Variants in MAST3 observed in about 807,000 individuals in gnomAD.
MAST3 encodes the protein microtubule-associated serine/threonine-protein kinase 3.
MAST3 carries 43 observed loss-of-function variants against 127.0 expected under a neutral mutation model. The ratio of observed to expected loss-of-function variants is 0.34; its 90% confidence interval spans 0.27 to 0.44. The LOEUF (loss-of-function observed/expected upper bound fraction) is 0.44, where lower values mean the gene tolerates loss of function less well. Ranked by LOEUF, MAST3 falls within the 20% of genes least tolerant of loss-of-function variation. The pLI, the probability that MAST3 is intolerant of heterozygous loss-of-function variation, is 1.00. For synonymous variants in MAST3, 785 were observed against 809.2 expected (o/e 0.97, Z 0.51); for missense variants, 1,390 against 1,919.1 (o/e 0.72, Z 5.15).
At chr19:18,108,236 A>T (rs2038216283) in intron 2 of MAST3, among the ~76,000 whole-genome samples, 1 of 152,002 alleles carries the variant, frequency 6.6e-6, no homozygotes, top group Admixed American at 6.6e-5. Context: ...ATTGCAGTGA[A>T]CCAGGCTCCC....
intron 3 of MAST3, among the ~76,000 whole-genome samples, chr19:18,116,456 C>CT (rs1318858883): frequency 6.6e-6 from 1 of 151,014 alleles, no homozygotes; most frequent in African/African-American, 2.4e-5. Flanking sequence ...CCACGCCCAG[C>CT]TAATTTTGTA....
In MAST3 at chr19:18,119,694, G is replaced by A. The variant is rs185059124; in HGVS notation, c.162-1991G>A. Among the ~76,000 whole-genome samples, 97 of 152,346 alleles carry A rather than the reference G, an allele frequency of 6.4e-4. No homozygotes were observed. The Middle Eastern group carries it at 0.02, about 32-fold the overall frequency. On this transcript the variant is annotated intron_variant, in intron 3 of 27. Transcript: ENST00000687212. ...GACCCAAAGCTGAGCACTGGATGTG[G>A]TAGGTTTCATCCTTCAAGGTAGAGA...
chr19:18,145,740 C>G lies in MAST3; in HGVS notation c.3040-3C>G. The G allele has an allele frequency of 6.3e-7, 1 of 1,583,418 alleles. No homozygotes were observed. Among genetic ancestry groups the G allele is most frequent in the Non-Finnish European group, 8.6e-7 (1 of 1,168,804 alleles). ...TGACCCCACCGTTCTCGTCTGCCCC[C>G]AGAGTGTGGAGGACGGAAGCCCCGC... is the stretch of plus-strand genomic sequence containing the variant. On this transcript the variant is annotated splice_polypyrimidine_tract_variant and splice_region_variant and intron_variant, in intron 24 of 27. Transcript: ENST00000687212. The surrounding 1 kb of genome is among the most constrained non-coding windows in gnomAD (Gnocchi z 5.9).
chr19:18,135,664 A>C (rs2041821187), intron 17 of MAST3, 76 bp from the exon 18 acceptor site: 1 of 1,098,226 alleles, frequency 9.1e-7, no homozygotes. Flanking sequence ...AGTGAGGGGA[A>C]ATGGTGGATG....
Position 18,135,756 on chromosome 19 carries a change from A to T in MAST3, c.1887A>T (p.Pro629=), listed in dbSNP as rs1255835016. The T allele has an allele frequency of 1.9e-6, 3 of 1,612,020 alleles. No individual in the cohort carries two copies. The South Asian group carries it at 3.3e-5, about 18-fold the overall frequency. The change falls in exon 18 of 28, where the codon CCA becomes CCT. Residue 629 remains proline (P), a synonymous_variant. Transcript: ENST00000687212. ...TCATTTTAGATGAGATCATGTGGCC[A>T]GAGGGAGATGAGGCCCTTCCAGCAG... ...GQVVSDEIMW[P]EGDEALPADA...
intron 25 of MAST3, among the ~76,000 whole-genome samples, chr19:18,146,282 A>C (rs2147843763): frequency 6.6e-6 from 1 of 152,330 alleles, no homozygotes. Flanking sequence ...TCTGCAAAAA[A>C]TTAAAAAATA....
At chr19:18,138,532 C>G (rs1034968998) in intron 19 of MAST3, among the ~76,000 whole-genome samples, 1 of 152,122 alleles carries the variant, frequency 6.6e-6, no homozygotes, top group Non-Finnish European at 1.5e-5. Context: ...GAGTCTTGCT[C>G]TGTCACCCAG....
chr19:18,117,795 G>A (rs2039446550), intron 3 of MAST3, among the ~76,000 whole-genome samples: 1 of 151,966 alleles, frequency 6.6e-6, no homozygotes, highest in Admixed American at 6.6e-5. Flanking sequence ...CCAACGCCCC[G>A]CCCCCGCCGC....
chr19:18,114,955 G>A (rs949301842), intron 3 of MAST3, among the ~76,000 whole-genome samples: 2 of 152,158 alleles, frequency 1.3e-5, no homozygotes, highest in African/African-American at 4.8e-5. Flanking sequence ...CCGTTGAACG[G>A]GGGTGTCTGT....
intron 1 of MAST3, among the ~76,000 whole-genome samples, chr19:18,100,128 C>CTCTTTTTTTTTTTTTTTTTTTTTTTTTTT (rs776661078): frequency 2.5e-5 from 3 of 121,714 alleles, no homozygotes; most frequent in East Asian, 2.7e-4. Flanking sequence ...CTCTCTCTCT[C>CTCTTTTTTTTTTTTTTTTTTTTTTTTTTT]TTTTTTTTTT....
Position 18,149,987 on chromosome 19 carries a change from T to A in MAST3, c.*261T>A. The A allele has an allele frequency of 5.2e-5, 3 of 58,214 alleles. No homozygotes were observed. The highest frequency in any genetic ancestry group is 2.2e-4 in the East Asian group (1 of 4,546). 3.6% of individuals were successfully genotyped at this position (58,214 alleles called of 1,614,324 possible). ...AACTAATTTATTACTTTTTTTTTCT[T>A]TTTTTTTTTTTTTTTTTGAGACAGA... On this transcript the variant is annotated 3_prime_UTR_variant, in exon 28 of 28. Coordinates refer to ENST00000687212, the MANE Select transcript of MAST3 (RefSeq NM_001393504.1). The surrounding 1 kb of genome is among the most constrained non-coding windows in gnomAD (Gnocchi z 5.9).
At chr19:18,118,351 C>A in intron 3 of MAST3, 1 of 735,762 alleles carries the variant, frequency 1.4e-6, no homozygotes, top group Non-Finnish European at 1.7e-6. Context: ...CCACGGCGAG[C>A]GTCTGTCTGT....
Position 18,130,574 on chromosome 19 carries a change from G to A in MAST3, c.1304G>A (p.Arg435His), listed in dbSNP as rs1227043449. 6.2e-7 allele frequency: 1 copy of A among 1,613,146 alleles called. No homozygotes were observed. Among genetic ancestry groups the A allele is most frequent in the Non-Finnish European group, 8.5e-7 (1 of 1,179,594 alleles). ...ATCAACAAACAGAACTTGATCCTGC[G>A]TAACCAGATCCAGCAGGTCTTTGTG... ...KKINKQNLILRNQIQQVFVER... is the reference protein window; with the variant it reads ...KKINKQNLILHNQIQQVFVER... The change falls in exon 14 of 28, where the codon CGT (arginine) becomes CAT (histidine). Residue 435 changes from arginine (R) to histidine (H), a missense_variant. Physicochemically the swap from Arg to His is conservative, Grantham distance 29. Transcript: ENST00000687212.
At position 18,128,917 on chromosome 19, in the gene MAST3, G is replaced by C; in HGVS notation, c.1189G>C (p.Glu397Gln). The C allele has an allele frequency of 6.2e-7, 1 of 1,613,916 alleles. No individual in the cohort carries two copies. Among genetic ancestry groups the C allele is most frequent in the Non-Finnish European group, 8.5e-7 (1 of 1,179,876 alleles). Residue 397 changes from glutamate to glutamine, a missense_variant, in exon 13 of 28, where the codon GAG becomes CAG. This residue lies in a region of MAST3 where 277 missense variants were observed against 384.8 expected (regional missense o/e 0.72). Transcript: ENST00000687212. ...GAGGAAGCCATGCGAAAGCGACTTTGAGACCATCAAACTCATTAGCAACGG... is the reference window on the plus strand; with the variant it reads ...GAGGAAGCCATGCGAAAGCGACTTTCAGACCATCAAACTCATTAGCAACGG... The part of the protein sequence containing the change: ...SRRKPCESDF[E>Q]TIKLISNGAY...
intron 27 of MAST3, 122 bp downstream of exon 27, chr19:18,147,746 A>G: frequency 1.3e-6 from 1 of 744,102 alleles, no homozygotes; most frequent in Non-Finnish European, 2.1e-6. Flanking sequence ...GATGACCGGG[A>G]TCCTGGTGTC....
chr19:18,120,458 A>G (rs10409389), intron 3 of MAST3, among the ~76,000 whole-genome samples: 8,342 of 152,234 alleles, frequency 0.055, 714 homozygotes, highest in African/African-American at 0.19. Flanking sequence ...GCTCCTGGCC[A>G]TATGTAGTGT....
At chr19:18,142,169 C>T (rs1029386399) in intron 21 of MAST3, among the ~76,000 whole-genome samples, 154 bp downstream of exon 21, 1 of 152,080 alleles carries the variant, frequency 6.6e-6, no homozygotes, top group African/African-American at 2.4e-5. Flanking sequence ...ACCTTGCTCC[C>T]TTTGGCTCTG....
intron 15 of MAST3, among the ~76,000 whole-genome samples, chr19:18,134,256 G>A (rs1222042727): frequency 3.3e-5 from 5 of 151,770 alleles, no homozygotes; most frequent in East Asian, 1.9e-4. Flanking sequence ...ACACATATAC[G>A]CACACACAGT....
At position 18,147,354 on chromosome 19, in the gene MAST3, C is replaced by T. The variant is rs556324239; in HGVS notation, c.3327-89C>T. 78 of 1,194,420 alleles carry T rather than the reference C, an allele frequency of 6.5e-5. No homozygotes were observed. In the African/African-American group the frequency reaches 9.0e-4, roughly 14 times the overall value. 74.0% of individuals were successfully genotyped at this position (1,194,420 alleles called of 1,614,324 possible). A position where few individuals can be genotyped will look rare whatever the true frequency, so the allele number is the denominator to read the frequency against. On this transcript the variant is annotated intron_variant, in intron 26 of 27. Coordinates refer to ENST00000687212, the MANE Select transcript of MAST3 (RefSeq NM_001393504.1). ...CTGACCTTAAATGATCCATCTGCCT[C>T]GGCCTCTGAAAGTGCTGGGATTACA... is the stretch of plus-strand genomic sequence containing the variant.
Sources: allele counts gnomAD v4.1 joint callset (sites outside exome capture counted in the v4.1 genomes callset), GRCh38; gene constraint gnomAD v4.1.1; regional missense constraint gnomAD v4.1.1; non-coding constraint Gnocchi (gnomAD v3.1); transcripts MANE v1.5; gene names NCBI Gene and HGNC (gene_info 2026-07-23, HGNC 2026-07-21).